Variants in IL2RA observed in about 807,000 individuals in gnomAD.
IL2RA encodes interleukin-2 receptor subunit alpha.
Under a neutral mutation model 37.8 loss-of-function variants are expected in IL2RA, and 24 were observed. That is an observed-to-expected ratio of 0.63 (90% CI 0.46 to 0.89). The LOEUF (loss-of-function observed/expected upper bound fraction) is 0.89. Among genes scored for constraint, IL2RA ranks in the 40% least tolerant of loss-of-function variants. The pLI is 0.00. For synonymous variants in IL2RA, 125 were observed against 114.6 expected (o/e 1.09, Z -0.58); for missense variants, 319 against 348.6 (o/e 0.92, Z 0.68).
intron 1 of IL2RA, 143 bp downstream of exon 1, chr10:6,061,945 G>T: frequency 2.9e-6 from 2 of 678,518 alleles, no homozygotes; most frequent in African/African-American, 1.8e-5. Flanking sequence ...TGGGGTCCCC[G>T]TGGGTCACAG....
chr10:6,014,592 C>A lies in IL2RA; in HGVS notation c.795-1696G>T, dbSNP rs868375091. 3.3e-5 allele frequency among the ~76,000 whole-genome samples: 5 copies of A among 152,140 alleles called. No homozygotes were observed. The highest frequency in any genetic ancestry group is 2.1e-4 in the South Asian group (1 of 4,834). On this transcript the variant is annotated intron_variant, in intron 7 of 7. Transcript: ENST00000379959. This position sits in a 1 kb window ranked among gnomAD's most constrained non-coding sequence, Gnocchi z 4.4. ...AACTAACAAATGAAAAAAATCCTTG[C>A]AAGGTGTTAAGGCTTGTCAGGTGTT...
chr10:6,049,706 C>T (rs1170545493), intron 1 of IL2RA, among the ~76,000 whole-genome samples: 1 of 152,204 alleles, frequency 6.6e-6, no homozygotes, highest in Non-Finnish European at 1.5e-5. Flanking sequence ...GTATCCATCT[C>T]CCTCCCACCA....
At chr10:6,023,260 G>A (rs1188557795) in intron 3 of IL2RA, among the ~76,000 whole-genome samples, 1 of 152,200 alleles carries the variant, frequency 6.6e-6, no homozygotes, top group African/African-American at 2.4e-5. Flanking sequence ...AAAGGGCTCT[G>A]AAGTCTCCTA....
chr10:6,051,923 T>C (rs1839970008), intron 1 of IL2RA, among the ~76,000 whole-genome samples: 1 of 148,510 alleles, frequency 6.7e-6, no homozygotes, highest in African/African-American at 2.5e-5. Flanking sequence ...CCTTCCTCCT[T>C]TCCTTGGAGA....
At position 6,029,254 on chromosome 10, in the gene IL2RA, C is replaced by A. The variant is rs1265416237; in HGVS notation, c.65-3229G>T. 1.3e-5 allele frequency among the ~76,000 whole-genome samples: 2 copies of A among 149,798 alleles called. No individual in the cohort carries two copies. Among genetic ancestry groups the A allele is most frequent in the South Asian group, 2.1e-4 (1 of 4,734 alleles). ...ATCTTGACTCACTGCAACCTCTGCCCCCCGGGTTCAAGCGATTCTCCTGCC... is the reference window on the plus strand; with the variant it reads ...ATCTTGACTCACTGCAACCTCTGCCACCCGGGTTCAAGCGATTCTCCTGCC... On this transcript the variant is annotated intron_variant, in intron 1 of 7. Coordinates refer to ENST00000379959, the MANE Select transcript of IL2RA (RefSeq NM_000417.3). This position sits in a 1 kb window ranked among gnomAD's most constrained non-coding sequence, Gnocchi z 4.6.
At position 6,025,896 on chromosome 10, in the gene IL2RA, A is replaced by C; in HGVS notation, c.194T>G (p.Met65Arg). The part of the protein sequence containing the change: ...FRRIKSGSLY[M>R]LCTGNSSHSS... ...GTGGCTAGAGTTTCCTGTACAGAGC[A>C]TATAGAGTGACCCGCTTTTTATTCT... Residue 65 changes from methionine to arginine, a missense_variant, in exon 2 of 8, where the codon ATG (methionine) becomes AGG (arginine). Transcript: ENST00000379959. The surrounding 1 kb of genome is among the most constrained non-coding windows in gnomAD (Gnocchi z 4.4). The C allele has an allele frequency of 6.2e-7, 1 of 1,614,198 alleles. No homozygotes were observed. Among genetic ancestry groups the C allele is most frequent in the African/African-American group, 1.3e-5 (1 of 75,044 alleles).
intron 3 of IL2RA, among the ~76,000 whole-genome samples, chr10:6,023,671 T>C (rs117930379): frequency 0.022 from 3,299 of 152,186 alleles, 182 homozygotes; most frequent in East Asian, 0.18. Context: ...CCCAATTCAG[T>C]CGTGGGAAAG....
At position 6,011,888 on chromosome 10, in the gene IL2RA, C is replaced by T. The variant is rs1184754937; in HGVS notation, c.*984G>A. On this transcript the variant is annotated 3_prime_UTR_variant, in exon 8 of 8. Coordinates refer to ENST00000379959, the MANE Select transcript of IL2RA (RefSeq NM_000417.3). This position sits in a 1 kb window ranked among gnomAD's most constrained non-coding sequence, Gnocchi z 5.2. ...ACGTTCTACCAGTGTGACCTCCATCCCTTCTCCCTCTTCACTTCCTTCTTT... is the reference window on the plus strand; with the variant it reads ...ACGTTCTACCAGTGTGACCTCCATCTCTTCTCCCTCTTCACTTCCTTCTTT... The T allele has an allele frequency of 6.6e-6, 1 of 152,384 alleles. No homozygotes were observed. Among genetic ancestry groups the T allele is most frequent in the Non-Finnish European group, 1.5e-5 (1 of 68,070 alleles). The allele number at this position is 152,384 out of a possible 1,614,324, so 9.4% of individuals were successfully genotyped here.
chr10:6,032,915 G>A (rs1270206329), intron 1 of IL2RA, among the ~76,000 whole-genome samples: 1 of 152,128 alleles, frequency 6.6e-6, no homozygotes, highest in Non-Finnish European at 1.5e-5. Context: ...TTTAACATCA[G>A]ATATCAATAA....
intron 1 of IL2RA, among the ~76,000 whole-genome samples, chr10:6,041,643 G>A (rs1839773576): frequency 1.3e-5 from 2 of 152,136 alleles, no homozygotes; most frequent in African/African-American, 4.8e-5. Context: ...AAAAGACAGA[G>A]GTATTCTGAT....
intron 1 of IL2RA, among the ~76,000 whole-genome samples, chr10:6,060,397 T>A (rs995598400): frequency 2.0e-5 from 3 of 152,154 alleles, no homozygotes; most frequent in Non-Finnish European, 4.4e-5. Context: ...ACCAAAATCT[T>A]ACAAATCACC....
rs1839376354 is a variant in IL2RA at position 6,020,962 on chromosome 10, T to A, written c.583+516A>T. Among the ~76,000 whole-genome samples the A allele has an allele frequency of 6.9e-6, 1 of 145,498 alleles. No individual in the cohort carries two copies. Among genetic ancestry groups the A allele is most frequent in the East Asian group, 2.0e-4 (1 of 4,932 alleles). ...GTGTGTGTGTGTGTGTGCGCGCATG[T>A]GCACTGAGTAAGTCCCGACTCTGCA... is the stretch of plus-strand genomic sequence containing the variant. On this transcript the variant is annotated intron_variant, in intron 4 of 7. Transcript: ENST00000379959. The surrounding 1 kb of genome is among the most constrained non-coding windows in gnomAD (Gnocchi z 5.6).
Position 6,033,906 on chromosome 10 carries a change from AC to A in IL2RA, c.65-7882del, listed in dbSNP as rs1477686886. 6.6e-6 allele frequency among the ~76,000 whole-genome samples: 1 copy of A among 152,236 alleles called. No homozygotes were observed. Among genetic ancestry groups the A allele is most frequent in the African/African-American group, 2.4e-5 (1 of 41,474 alleles). On this transcript the variant is annotated intron_variant, in intron 1 of 7. Coordinates refer to ENST00000379959, the MANE Select transcript of IL2RA (RefSeq NM_000417.3). This position sits in a 1 kb window ranked among gnomAD's most constrained non-coding sequence, Gnocchi z 4.3. ...TTTCTTTATAAGTAATTTTAGCTCA[AC>A]AAAATGAGCGAGAAGCATATTTAGC...
chr10:6,043,666 G>C (rs1839807307), intron 1 of IL2RA, among the ~76,000 whole-genome samples: 1 of 152,154 alleles, frequency 6.6e-6, no homozygotes, highest in South Asian at 2.1e-4. Context: ...TTGAACTCCT[G>C]ACCTCAGGTG....
intron 1 of IL2RA, among the ~76,000 whole-genome samples, chr10:6,031,916 A>G (rs902210375): frequency 1.3e-5 from 2 of 152,176 alleles, no homozygotes; most frequent in Non-Finnish European, 2.9e-5. Flanking sequence ...AGATGTATAC[A>G]TTTGGAGGAT....
chr10:6,040,766 T>C (rs1436570250), intron 1 of IL2RA, among the ~76,000 whole-genome samples: 1 of 152,172 alleles, frequency 6.6e-6, no homozygotes, highest in Non-Finnish European at 1.5e-5. Flanking sequence ...ACTGGTAACA[T>C]AGATAAGGCA....
chr10:6,013,538 T>C (rs1839226625), intron 7 of IL2RA, among the ~76,000 whole-genome samples: 1 of 152,112 alleles, frequency 6.6e-6, no homozygotes, highest in East Asian at 1.9e-4. Flanking sequence ...GGTGTGCTGG[T>C]GATGTTTAAC....
chr10:6,060,570 T>C (rs938714853), intron 1 of IL2RA, among the ~76,000 whole-genome samples: 1 of 151,970 alleles, frequency 6.6e-6, no homozygotes, highest in Non-Finnish European at 1.5e-5. Context: ...GCCTGACCAA[T>C]ATGGTGAAAC....
At chr10:6,052,216 G>A (rs890441717) in intron 1 of IL2RA, among the ~76,000 whole-genome samples, 5 of 152,088 alleles carry the variant, frequency 3.3e-5, no homozygotes, top group South Asian at 2.1e-4. Flanking sequence ...ACAAAACAAC[G>A]CTCTCTGCTG....
Sources: gnomAD v4.1 joint callset for allele counts (sites outside exome capture counted in the v4.1 genomes callset) on GRCh38, gnomAD v4.1.1 for gene constraint, Gnocchi (gnomAD v3.1) non-coding constraint, MANE v1.5 for transcripts, NCBI Gene and HGNC (gene_info 2026-07-23, HGNC 2026-07-21) for gene names.